The following ZNF385D variants were observed in gnomAD, a reference collection of about 807,000 sequenced individuals.
ZNF385D encodes zinc finger protein 659.
ZNF385D carries 15 observed loss-of-function variants against 35.8 expected under a neutral mutation model. The observed-to-expected ratio is 0.42, with a 90% CI of 0.28 to 0.64. The LOEUF is 0.64. Among genes scored for constraint, ZNF385D ranks in the 30% least tolerant of loss-of-function variants. The pLI, the probability that ZNF385D is intolerant of heterozygous loss-of-function variation, is 0.23. For synonymous variants in ZNF385D, 212 were observed against 186.8 expected (o/e 1.13, Z -1.10); for missense variants, 474 against 494.6 (o/e 0.96, Z 0.39).
chr3:21,988,344 T>A (rs565118305), intron 3 of ZNF385D, among the ~76,000 whole-genome samples: 1 of 120,848 alleles, frequency 8.3e-6, no homozygotes, highest in African/African-American at 2.9e-5. Flanking sequence ...CAGATGGGTT[T>A]TCGGTGTGGA....
intron 3 of ZNF385D, among the ~76,000 whole-genome samples, chr3:21,814,214 AG>A (rs1178314608): frequency 2.0e-5 from 3 of 152,226 alleles, no homozygotes; most frequent in African/African-American, 7.2e-5. Context: ...AAACATGGAA[AG>A]GAACAACTGG....
chr3:21,703,698 A>T, intron 1 of ZNF385D, among the ~76,000 whole-genome samples: 1 of 151,784 alleles, frequency 6.6e-6, no homozygotes, highest in Admixed American at 6.6e-5. Flanking sequence ...CTGTGTAAAG[A>T]CACCACTGTA....
intron 2 of ZNF385D, among the ~76,000 whole-genome samples, chr3:21,651,489 G>GCTA (rs1204578598): frequency 6.6e-6 from 1 of 151,550 alleles, no homozygotes; most frequent in African/African-American, 2.4e-5. Context: ...TTCTATTTTG[G>GCTA]CTAGTAGGCA....
intron 3 of ZNF385D, among the ~76,000 whole-genome samples, chr3:22,122,429 T>C (rs1703139179): frequency 6.6e-6 from 1 of 152,158 alleles, no homozygotes; most frequent in South Asian, 2.1e-4. Flanking sequence ...TTATAGTAAG[T>C]ATATCAAATG....
chr3:21,604,037 G>C (rs6796846), intron 2 of ZNF385D, among the ~76,000 whole-genome samples: 68,513 of 151,990 alleles, frequency 0.45, 15,840 homozygotes, highest in African/African-American at 0.57. Context: ...TGAAGCAAGC[G>C]AGATTGCCGA....
At chr3:21,445,558 A>T (rs1702102371) in intron 4 of ZNF385D, among the ~76,000 whole-genome samples, 1 of 152,234 alleles carries the variant, frequency 6.6e-6, no homozygotes, top group African/African-American at 2.4e-5. Context: ...CATTGTCCTT[A>T]GTTGATAACA....
chr3:21,920,038 G>A (rs921113699), intron 3 of ZNF385D, among the ~76,000 whole-genome samples: 1 of 152,208 alleles, frequency 6.6e-6, no homozygotes, highest in African/African-American at 2.4e-5. Flanking sequence ...GAGAAAATAT[G>A]TTCTGAGAGT....
In ZNF385D at chr3:21,438,368, G is replaced by A. The variant is rs192604325; in HGVS notation, c.440-1165C>T. Among the ~76,000 whole-genome samples the A allele has an allele frequency of 2.1e-3, 327 of 152,196 alleles. 2 individuals carry two copies. The highest frequency in any genetic ancestry group is 7.4e-3 in the African/African-American group (309 of 41,544). ...TCTAATGCTACACTGAAAAGTCCAT[G>A]ATAAAGAGACTTGGCCAGGATGTAA... On this transcript the variant is annotated intron_variant, in intron 4 of 7. Transcript: ENST00000281523.
In ZNF385D at chr3:21,448,463, A is replaced by G. The variant is rs1328713250; in HGVS notation, c.440-11260T>C. ...CATCACATAACACAATGATTTCTTG[A>G]TAGAATTTCTCTCTTCAAAGTAGTT... On this transcript the variant is annotated intron_variant, in intron 4 of 7. Transcript: ENST00000281523. Among the ~76,000 whole-genome samples the G allele has an allele frequency of 2.0e-5, 3 of 152,162 alleles. No individual in the cohort carries two copies. The South Asian group carries it at 6.2e-4, about 31-fold the overall frequency.
intron 3 of ZNF385D, among the ~76,000 whole-genome samples, chr3:22,105,734 G>A (rs1451780755): frequency 1.3e-5 from 2 of 152,068 alleles, no homozygotes; most frequent in East Asian, 3.9e-4. Context: ...CAATGATTGG[G>A]TGATGCCTAC....
chr3:22,268,175 T>A (rs1159805751), intron 2 of ZNF385D, among the ~76,000 whole-genome samples: 1 of 151,976 alleles, frequency 6.6e-6, no homozygotes, highest in Non-Finnish European at 1.5e-5. Context: ...ACTGCATGGA[T>A]GACAACCCCA....
intron 3 of ZNF385D, among the ~76,000 whole-genome samples, chr3:21,512,826 C>T (rs556548979): frequency 4.3e-4 from 65 of 152,138 alleles, no homozygotes; most frequent in East Asian, 2.5e-3. Flanking sequence ...TCAAGTCCTT[C>T]GGCCATAACA....
chr3:21,973,774 T>C (rs776711623), intron 3 of ZNF385D, among the ~76,000 whole-genome samples: 8 of 151,936 alleles, frequency 5.3e-5, no homozygotes, highest in Non-Finnish European at 7.4e-5. Flanking sequence ...CATTTCTATA[T>C]GACAACACCA....
At chr3:21,874,344 G>A (rs1393524035) in intron 3 of ZNF385D, among the ~76,000 whole-genome samples, 3 of 151,772 alleles carry the variant, frequency 2.0e-5, no homozygotes, top group Admixed American at 6.6e-5. Flanking sequence ...TCTTAACCAG[G>A]TTATTTGTTT....
At chr3:21,862,635 G>A (rs1215758863) in intron 3 of ZNF385D, among the ~76,000 whole-genome samples, 1 of 152,112 alleles carries the variant, frequency 6.6e-6, no homozygotes, top group Admixed American at 6.6e-5. Flanking sequence ...GCTAAAGAGA[G>A]CTAACTGAAT....
chr3:22,317,291 A>C (rs1466414117), intron 2 of ZNF385D, among the ~76,000 whole-genome samples: 17 of 149,840 alleles, frequency 1.1e-4, no homozygotes, highest in Non-Finnish European at 1.6e-4. Context: ...AAAAAAAAAA[A>C]AAAAAAAAAA....
chr3:22,209,868 T>C (rs1380747999), intron 2 of ZNF385D, among the ~76,000 whole-genome samples: 1 of 151,894 alleles, frequency 6.6e-6, no homozygotes, highest in Non-Finnish European at 1.5e-5. Context: ...AGCCTTATCT[T>C]TGACAGCATA....
chr3:22,197,467 C>T (rs1428340418), intron 2 of ZNF385D, among the ~76,000 whole-genome samples: 1 of 152,058 alleles, frequency 6.6e-6, no homozygotes, highest in African/African-American at 2.4e-5. Context: ...CAGTTCGACT[C>T]ATCTATATTT....
At chr3:21,757,134 T>TTTTTTTTTTTTTTTTTTTTTTTTG (rs1553654008) in intron 3 of ZNF385D, among the ~76,000 whole-genome samples, 6 of 128,232 alleles carry the variant, frequency 4.7e-5, no homozygotes, top group African/African-American at 1.5e-4. Flanking sequence ...TTTTTTTTTT[T>TTTTTTTTTTTTTTTTTTTTTTTTG]TTTTTGTTTT....
Sources: gnomAD v4.1 joint callset for allele counts (sites outside exome capture counted in the v4.1 genomes callset) on GRCh38, gnomAD v4.1.1 for gene constraint, MANE v1.5 for transcripts, NCBI Gene and HGNC (gene_info 2026-07-23, HGNC 2026-07-21) for gene names.